TBC1D32: variants seen among roughly 807,000 people sequenced by gnomAD.
TBC1D32 encodes the protein TBC1 domain family member 32.
In TBC1D32, 151 loss-of-function variants were observed where a neutral mutation model predicts 170.3. The observed-to-expected ratio is 0.89, with a 90% CI of 0.78 to 1.01. The LOEUF is 1.01. Among genes scored for constraint, TBC1D32 ranks in the 50% least tolerant of loss-of-function variants. The probability of loss-of-function intolerance (pLI) is 0.00; values close to 1 mark genes in which losing one functional copy is unlikely to be tolerated. For missense variants in TBC1D32, 1,464 were observed against 1,457.1 expected, an observed-to-expected ratio of 1.00 and a Z score of -0.08; for synonymous variants, 498 against 488.0, an observed-to-expected ratio of 1.02 and a Z score of -0.27.
chr6:121,120,898 C>T (rs1252780550), intron 26 of TBC1D32, among the ~76,000 whole-genome samples: 1 of 151,912 alleles, frequency 6.6e-6, no homozygotes. Context: ...TTACCCCTTT[C>T]CCAGGTTTGC....
In TBC1D32 at chr6:121,304,829, C is replaced by T. The variant is rs181574808; in HGVS notation, c.695G>A (p.Arg232Gln). 1.3e-4 allele frequency: 213 copies of T among 1,605,164 alleles called. 1 individual carries two copies. In the African/African-American group the frequency reaches 1.9e-3, roughly 14 times the overall value. The change falls in exon 6 of 32, where the codon CGG becomes CAG. Residue 232 changes from arginine to glutamine, a missense_variant. Transcript: ENST00000398212. ...LSDPDPVFSDRILKFCAQTFL... is the reference protein window; with the variant it reads ...LSDPDPVFSDQILKFCAQTFL... ...TGTCTGTGCACAGAATTTTAAAATCCGGTCCTACGGAAATGAGACAGAAAA... is the reference window on the plus strand; with the variant it reads ...TGTCTGTGCACAGAATTTTAAAATCTGGTCCTACGGAAATGAGACAGAAAA...
intron 22 of TBC1D32, among the ~76,000 whole-genome samples, chr6:121,200,660 A>G (rs1791424860): frequency 6.6e-6 from 1 of 151,616 alleles, no homozygotes; most frequent in Non-Finnish European, 1.5e-5. Context: ...TATTCAGAAG[A>G]AGAAATAAAT....
intron 30 of TBC1D32, among the ~76,000 whole-genome samples, chr6:121,103,582 T>A (rs1373747499): frequency 1.0e-5 from 1 of 97,904 alleles, no homozygotes; most frequent in Non-Finnish European, 1.9e-5. Flanking sequence ...TGGGGCCTGT[T>A]GTAGGGAGGG....
At chr6:121,202,463 C>A (rs1791712294) in intron 22 of TBC1D32, among the ~76,000 whole-genome samples, 1 of 150,746 alleles carries the variant, frequency 6.6e-6, no homozygotes, top group Non-Finnish European at 1.5e-5. Flanking sequence ...ATGGAAGTTA[C>A]AAGTGATCTA....
intron 30 of TBC1D32, among the ~76,000 whole-genome samples, chr6:121,095,470 T>C (rs535672116): frequency 6.6e-6 from 1 of 152,304 alleles, no homozygotes; most frequent in South Asian, 2.1e-4. Context: ...CAACACTATG[T>C]TGAATAGGAG....
chr6:121,263,617 C>T (rs1430725610), intron 15 of TBC1D32, among the ~76,000 whole-genome samples: 1 of 152,176 alleles, frequency 6.6e-6, no homozygotes, highest in Non-Finnish European at 1.5e-5. Flanking sequence ...CTACAGAACT[C>T]TCCACCCGAA....
At chr6:121,098,853 C>T (rs1777707375) in intron 30 of TBC1D32, among the ~76,000 whole-genome samples, 1 of 151,866 alleles carries the variant, frequency 6.6e-6, no homozygotes, top group Non-Finnish European at 1.5e-5. Context: ...GCAAAAATAA[C>T]TCACAGGAAG....
chr6:121,267,303 C>T (rs958571968), intron 15 of TBC1D32, among the ~76,000 whole-genome samples: 33 of 152,096 alleles, frequency 2.2e-4, no homozygotes, highest in African/African-American at 7.2e-4. Context: ...GGAGTGTGAA[C>T]CGAAGCAGGG....
At chr6:121,300,361 C>T (rs746028113) in intron 9 of TBC1D32, among the ~76,000 whole-genome samples, 2 of 151,994 alleles carry the variant, frequency 1.3e-5, no homozygotes, top group South Asian at 2.1e-4. Context: ...GCAGAAGAAT[C>T]GCTTGAACCC....
At chr6:121,160,881 G>T (rs1721727004) in intron 23 of TBC1D32, 67 bp downstream of exon 23, 2 of 1,227,246 alleles carry the variant, frequency 1.6e-6, no homozygotes, top group Non-Finnish European at 2.4e-6. Flanking sequence ...GGGTGACTTT[G>T]AGTTGGCTAT....
chr6:121,125,895 C>T (rs1291935008), intron 26 of TBC1D32, among the ~76,000 whole-genome samples: 2 of 152,134 alleles, frequency 1.3e-5, no homozygotes, highest in Non-Finnish European at 2.9e-5. Flanking sequence ...ATCACACCGA[C>T]CCAGACAAAT....
At chr6:121,290,350 G>C (rs1172956650) in intron 12 of TBC1D32, among the ~76,000 whole-genome samples, 4 of 152,104 alleles carry the variant, frequency 2.6e-5, no homozygotes, top group Non-Finnish European at 4.4e-5. Flanking sequence ...GATATAAACA[G>C]ACACTTCTCA....
chr6:121,231,842 T>G (rs1795779208), intron 20 of TBC1D32, among the ~76,000 whole-genome samples: 1 of 152,140 alleles, frequency 6.6e-6, no homozygotes, highest in Admixed American at 6.5e-5. Flanking sequence ...GTATAGATTG[T>G]GAAGATTTTC....
At chr6:121,225,690 A>C (rs755251364) in intron 20 of TBC1D32, among the ~76,000 whole-genome samples, 1 of 152,118 alleles carries the variant, frequency 6.6e-6, no homozygotes, top group Non-Finnish European at 1.5e-5. Flanking sequence ...AACTGTATTC[A>C]AACTAAAACA....
chr6:121,115,199 T>G lies in TBC1D32; in HGVS notation c.3026A>C (p.Gln1009Pro), dbSNP rs774253203. 3.7e-6 allele frequency: 6 copies of G among 1,603,626 alleles called. No homozygotes were observed. In the South Asian group the frequency reaches 6.7e-5, roughly 18 times the overall value. ...NVKNESLSSV[Q>P]QLGIKMTVRY... ...GACAGTCATTTTAATGCCAAGCTGC[T>G]GCACAGATGAAAGACTTTCATTCTT... Residue 1009 changes from glutamine to proline, a missense_variant, in exon 27 of 32, where the codon CAG (glutamine) becomes CCG (proline). Coordinates refer to ENST00000398212, the MANE Select transcript of TBC1D32 (RefSeq NM_152730.6).
chr6:121,301,123 G>T (rs958226084), intron 9 of TBC1D32, among the ~76,000 whole-genome samples: 1 of 152,094 alleles, frequency 6.6e-6, no homozygotes, highest in African/African-American at 2.4e-5. Flanking sequence ...ATTGTGGAAG[G>T]CAGTGTGGCG....
At chr6:121,244,825 C>T (rs951097405) in intron 17 of TBC1D32, among the ~76,000 whole-genome samples, 9 of 152,232 alleles carry the variant, frequency 5.9e-5, no homozygotes, top group South Asian at 2.1e-4. Flanking sequence ...TTGTCCAATA[C>T]GTTATAAAGA....
In TBC1D32 at chr6:121,286,348, C is replaced by T. The variant is rs150839235; in HGVS notation, c.1373-2438G>A. ...GAGAACTACGTGACGAATGCACAAG[C>T]CTCAGTAGCCGATTTGATCAACTGG... On this transcript the variant is annotated intron_variant, in intron 12 of 31. Transcript: ENST00000398212. 8.9e-3 allele frequency among the ~76,000 whole-genome samples: 1,349 copies of T among 152,198 alleles called. 24 individuals are homozygous for T. Among genetic ancestry groups the T allele is most frequent in the African/African-American group, 0.031 (1,275 of 41,506 alleles).
chr6:121,081,810 T>C (rs1775671906), intron 31 of TBC1D32, among the ~76,000 whole-genome samples: 2 of 152,058 alleles, frequency 1.3e-5, no homozygotes, highest in Admixed American at 1.3e-4. Flanking sequence ...ATATCACTTA[T>C]CACTTATGGT....
Sources: gnomAD v4.1 joint callset for allele counts (sites outside exome capture counted in the v4.1 genomes callset) on GRCh38, gnomAD v4.1.1 for gene constraint, MANE v1.5 for transcripts, NCBI Gene and HGNC (gene_info 2026-07-23, HGNC 2026-07-21) for gene names.